MYO5A: variants seen among roughly 807,000 people sequenced by gnomAD.
The protein encoded by MYO5A is myosin VA, also known as unconventional myosin-Va.
Under a neutral mutation model 249.7 loss-of-function variants are expected in MYO5A, and 98 were observed. The ratio of observed to expected loss-of-function variants is 0.39; its 90% CI spans 0.33 to 0.46. The LOEUF (loss-of-function observed/expected upper bound fraction) is 0.46. MYO5A is among the 20% of genes least tolerant of loss of function. The probability of loss-of-function intolerance (pLI) is 0.98; values close to 1 mark genes in which losing one functional copy is unlikely to be tolerated. For missense variants in MYO5A, 1,696 were observed against 2,308.8 expected (o/e 0.73, Z 5.44); for synonymous variants, 778 against 810.6 (o/e 0.96, Z 0.68).
intron 34 of MYO5A, among the ~76,000 whole-genome samples, chr15:52,335,216 A>C (rs981649835): frequency 2.6e-5 from 4 of 152,204 alleles, no homozygotes; most frequent in Non-Finnish European, 5.9e-5. Context: ...GAACATTGAA[A>C]TAAGCTTAAA....
intron 1 of MYO5A, among the ~76,000 whole-genome samples, chr15:52,515,952 C>T (rs973598354): frequency 2.6e-5 from 4 of 152,132 alleles, no homozygotes; most frequent in Non-Finnish European, 5.9e-5. Flanking sequence ...ACAGCTATAA[C>T]AGCAACAATA....
At chr15:52,409,066 C>G (rs1226489477) in intron 6 of MYO5A, among the ~76,000 whole-genome samples, 1 of 152,108 alleles carries the variant, frequency 6.6e-6, no homozygotes, top group African/African-American at 2.4e-5. Flanking sequence ...TTGTGTGACT[C>G]ATTTTGACAA....
chr15:52,471,770 C>T (rs929459249), intron 1 of MYO5A, among the ~76,000 whole-genome samples: 3 of 152,144 alleles, frequency 2.0e-5, no homozygotes, highest in African/African-American at 7.2e-5. Flanking sequence ...GCATTCATGG[C>T]TCACTGCAGC....
intron 4 of MYO5A, among the ~76,000 whole-genome samples, chr15:52,420,501 AC>A (rs2043736667): frequency 1.3e-5 from 2 of 151,872 alleles, no homozygotes. Context: ...TAGCAAGAAG[AC>A]CCTCAACTAG....
At chr15:52,494,452 A>G (rs575629530) in intron 1 of MYO5A, among the ~76,000 whole-genome samples, 41 of 152,282 alleles carry the variant, frequency 2.7e-4, no homozygotes, top group African/African-American at 9.9e-4. Flanking sequence ...GGTCCTTCAA[A>G]ATAACATTAT....
chr15:52,471,022 CAAAA>C (rs55650927), intron 1 of MYO5A, among the ~76,000 whole-genome samples: 30 of 132,944 alleles, frequency 2.3e-4, no homozygotes, highest in Admixed American at 3.8e-4. Flanking sequence ...GACTCCATCT[CAAAA>C]AAAAAAAAAA....
chr15:52,485,763 C>T (rs185167166), intron 1 of MYO5A, among the ~76,000 whole-genome samples: 260 of 152,070 alleles, frequency 1.7e-3, no homozygotes, highest in African/African-American at 5.8e-3. Context: ...TGAACAGAAA[C>T]GACAAGAATA....
intron 33 of MYO5A, among the ~76,000 whole-genome samples, chr15:52,336,777 A>T (rs772265211): frequency 6.6e-6 from 1 of 152,274 alleles, no homozygotes; most frequent in Non-Finnish European, 1.5e-5. Context: ...TTACAGCGTG[A>T]TGGACAGCAG....
intron 23 of MYO5A, among the ~76,000 whole-genome samples, chr15:52,365,610 C>G (rs924464419): frequency 6.6e-6 from 1 of 152,208 alleles, no homozygotes; most frequent in African/African-American, 2.4e-5. Flanking sequence ...TCTCTGTGAG[C>G]ACGATGAGGC....
At chr15:52,324,415 AC>A (rs1786493995) in intron 36 of MYO5A, among the ~76,000 whole-genome samples, 1 of 152,198 alleles carries the variant, frequency 6.6e-6, no homozygotes, top group African/African-American at 2.4e-5. Flanking sequence ...GCATTTGTAA[AC>A]TAAACCATTT....
intron 3 of MYO5A, among the ~76,000 whole-genome samples, chr15:52,426,981 T>C (rs754496443): frequency 2.6e-5 from 4 of 152,016 alleles, no homozygotes; most frequent in Non-Finnish European, 5.9e-5. Context: ...GTCCAAATCA[T>C]GTTTTTGAAG....
intron 4 of MYO5A, among the ~76,000 whole-genome samples, chr15:52,420,457 T>A (rs2141265663): frequency 6.6e-6 from 1 of 152,126 alleles, no homozygotes; most frequent in Non-Finnish European, 1.5e-5. Context: ...TCTTACATGC[T>A]CTCTTCCCTT....
intron 23 of MYO5A, among the ~76,000 whole-genome samples, 157 bp from the exon 24 acceptor site, chr15:52,364,859 A>G (rs2040734971): frequency 6.6e-6 from 1 of 152,200 alleles, no homozygotes. Flanking sequence ...GGAAAAGAAA[A>G]AATGACCAAA....
chr15:52,403,023 T>C (rs182295616), intron 9 of MYO5A, among the ~76,000 whole-genome samples: 1 of 152,306 alleles, frequency 6.6e-6, no homozygotes, highest in East Asian at 1.9e-4. Flanking sequence ...TGGAAGGAAC[T>C]TCTGGACATT....
chr15:52,346,617 G>A (rs1274029741), intron 29 of MYO5A, 156 bp from the exon 30 acceptor site: 7 of 696,948 alleles, frequency 1.0e-5, no homozygotes, highest in Non-Finnish European at 1.8e-5. Flanking sequence ...TAACTGCAGA[G>A]GGGAGTTTGG....
At chr15:52,415,096 C>T (rs536537976) in intron 5 of MYO5A, among the ~76,000 whole-genome samples, 5 of 152,202 alleles carry the variant, frequency 3.3e-5, no homozygotes, top group Admixed American at 2.6e-4. Context: ...CACGCAGCAC[C>T]GCAAACCAAG....
At chr15:52,452,378 C>A (rs1200743242) in intron 1 of MYO5A, among the ~76,000 whole-genome samples, 1 of 152,176 alleles carries the variant, frequency 6.6e-6, no homozygotes, top group Non-Finnish European at 1.5e-5. Flanking sequence ...CAAGGTACAA[C>A]TTCCCTGCCA....
intron 1 of MYO5A, among the ~76,000 whole-genome samples, chr15:52,464,985 G>A (rs1187640529): frequency 6.6e-6 from 1 of 152,204 alleles, no homozygotes; most frequent in African/African-American, 2.4e-5. Flanking sequence ...AATAGAGACT[G>A]TATTGGCCAC....
At chr15:52,440,441 T>C (rs2075763314) in intron 1 of MYO5A, among the ~76,000 whole-genome samples, 1 of 152,192 alleles carries the variant, frequency 6.6e-6, no homozygotes, top group Admixed American at 6.5e-5. Flanking sequence ...CTAATTTTTA[T>C]ATTATTAGTA....
Sources: gnomAD v4.1 joint callset for allele counts (sites outside exome capture counted in the v4.1 genomes callset) on GRCh38, gnomAD v4.1.1 for gene constraint, MANE v1.5 for transcripts, NCBI Gene and HGNC (gene_info 2026-07-23, HGNC 2026-07-21) for gene names.